The following STXBP5 variants were observed in gnomAD, a reference collection of about 807,000 sequenced individuals.
The protein encoded by STXBP5 is syntaxin binding protein 5.
Under a neutral mutation model 152.4 loss-of-function variants are expected in STXBP5, and 50 were observed. That is an observed-to-expected ratio of 0.33 (90% CI 0.26 to 0.42). STXBP5 has a LOEUF of 0.42. STXBP5 is among the 10% of genes least tolerant of loss of function. The pLI is 1.00. For missense variants in STXBP5, 1,167 were observed against 1,388.6 expected (o/e 0.84, Z 2.54); for synonymous variants, 492 against 494.7 (o/e 0.99, Z 0.07).
intron 9 of STXBP5, among the ~76,000 whole-genome samples, chr6:147,301,039 C>T (rs182660840): frequency 6.6e-6 from 1 of 151,450 alleles, no homozygotes; most frequent in East Asian, 1.9e-4. Context: ...ACCAATCAGG[C>T]ATATGAAGAA....
At chr6:147,337,386 T>G (rs1366723552) in intron 19 of STXBP5, among the ~76,000 whole-genome samples, 1 of 151,982 alleles carries the variant, frequency 6.6e-6, no homozygotes, top group Non-Finnish European at 1.5e-5. Context: ...TTGTAGAAAT[T>G]TAGTAAATAT....
At chr6:147,302,080 A>G (rs1347122440) in intron 9 of STXBP5, among the ~76,000 whole-genome samples, 2 of 152,196 alleles carry the variant, frequency 1.3e-5, no homozygotes, top group Non-Finnish European at 2.9e-5. Flanking sequence ...TTGAAGTGCT[A>G]AAATCCTTGC....
At chr6:147,219,376 G>GT (rs1477324887) in intron 2 of STXBP5, among the ~76,000 whole-genome samples, 3 of 152,150 alleles carry the variant, frequency 2.0e-5, no homozygotes, top group African/African-American at 7.2e-5. Context: ...ATTGATCTTA[G>GT]TTTTCTTTTC....
intron 2 of STXBP5, among the ~76,000 whole-genome samples, chr6:147,217,313 A>G (rs1777221016): frequency 6.6e-6 from 1 of 152,248 alleles, no homozygotes; most frequent in Non-Finnish European, 1.5e-5. Flanking sequence ...TTCACTTAAC[A>G]TACTTGAGAA....
intron 5 of STXBP5, among the ~76,000 whole-genome samples, 174 bp downstream of exon 5, chr6:147,260,923 A>G (rs1779612223): frequency 6.6e-6 from 1 of 152,138 alleles, no homozygotes; most frequent in Non-Finnish European, 1.5e-5. Flanking sequence ...GGCAATTTGT[A>G]AATTTAAATT....
At chr6:147,313,783 T>C (rs1176277812) in intron 11 of STXBP5, 101 bp from the exon 12 acceptor site, 4 of 736,240 alleles carry the variant, frequency 5.4e-6, no homozygotes, top group Admixed American at 3.4e-5. Context: ...CAATTTAATC[T>C]CTATGATAGA....
At chr6:147,318,828 A>G (rs1025004412) in intron 16 of STXBP5, among the ~76,000 whole-genome samples, 1 of 152,218 alleles carries the variant, frequency 6.6e-6, no homozygotes, top group African/African-American at 2.4e-5. Context: ...AAAATAACTA[A>G]TGACTGTGAT....
chr6:147,329,730 A>G (rs960174219), intron 18 of STXBP5, among the ~76,000 whole-genome samples: 2 of 137,608 alleles, frequency 1.5e-5, no homozygotes, highest in Non-Finnish European at 3.0e-5. Flanking sequence ...GGTTCACGCC[A>G]TTCTCCTGCC....
chr6:147,254,276 T>G (rs1315463110), intron 4 of STXBP5, among the ~76,000 whole-genome samples: 1 of 152,178 alleles, frequency 6.6e-6, no homozygotes, highest in East Asian at 1.9e-4. Flanking sequence ...TCCTTACACC[T>G]TGTACAGAAA....
intron 25 of STXBP5, among the ~76,000 whole-genome samples, chr6:147,368,116 T>C (rs941967656): frequency 6.6e-6 from 1 of 152,126 alleles, no homozygotes; most frequent in Non-Finnish European, 1.5e-5. Flanking sequence ...CACAAACTTT[T>C]CCAAAAACTG....
intron 8 of STXBP5, among the ~76,000 whole-genome samples, chr6:147,289,218 T>G (rs1781151400): frequency 6.6e-6 from 1 of 152,216 alleles, no homozygotes; most frequent in African/African-American, 2.4e-5. Context: ...CTGACATTTC[T>G]AGAGCCCTCT....
chr6:147,213,477 T>TGTGTGTGTGTGTGTGTGTGTGTGC, intron 2 of STXBP5, among the ~76,000 whole-genome samples: 13 of 131,316 alleles, frequency 9.9e-5, no homozygotes, highest in African/African-American at 4.1e-4. Context: ...TGTGTGTGTG[T>TGTGTGTGTGTGTGTGTGTGTGTGC]GCGCGCGCAT....
At chr6:147,305,551 T>C (rs1037282979) in intron 9 of STXBP5, among the ~76,000 whole-genome samples, 1 of 152,200 alleles carries the variant, frequency 6.6e-6, no homozygotes. Flanking sequence ...AATTGACATA[T>C]AATCTGCAAA....
intron 4 of STXBP5, among the ~76,000 whole-genome samples, chr6:147,240,056 C>T (rs1033301234): frequency 1.3e-5 from 2 of 151,956 alleles, no homozygotes; most frequent in African/African-American, 4.8e-5. Context: ...GATTCTCATG[C>T]CTCAGCCTCC....
intron 2 of STXBP5, among the ~76,000 whole-genome samples, chr6:147,208,968 A>T (rs1256141944): frequency 6.6e-6 from 1 of 152,148 alleles, no homozygotes; most frequent in African/African-American, 2.4e-5. Flanking sequence ...GCTGAATGCT[A>T]AACCTTCTTG....
intron 21 of STXBP5, among the ~76,000 whole-genome samples, chr6:147,339,703 G>C (rs776236084): frequency 6.6e-6 from 1 of 151,772 alleles, no homozygotes; most frequent in African/African-American, 2.4e-5. Flanking sequence ...TTGAAGCAAT[G>C]GTTTCTTTAT....
intron 9 of STXBP5, among the ~76,000 whole-genome samples, chr6:147,297,102 G>A (rs997792212): frequency 3.9e-5 from 6 of 152,122 alleles, no homozygotes; most frequent in Admixed American, 2.6e-4. Context: ...TGTATATTCA[G>A]ATCCAGGAAG....
At chr6:147,277,314 A>T (rs1440531696) in intron 7 of STXBP5, among the ~76,000 whole-genome samples, 1 of 152,092 alleles carries the variant, frequency 6.6e-6, no homozygotes, top group Admixed American at 6.5e-5. Context: ...CTTGCATTCC[A>T]GTAGGGTGGC....
At chr6:147,309,874 A>G (rs1298576487) in intron 9 of STXBP5, among the ~76,000 whole-genome samples, 2 of 152,124 alleles carry the variant, frequency 1.3e-5, no homozygotes, top group East Asian at 1.9e-4. Context: ...AATTTAGTCA[A>G]TGTTTATTTT....
Sources: allele counts gnomAD v4.1 joint callset (sites outside exome capture counted in the v4.1 genomes callset), GRCh38; gene constraint gnomAD v4.1.1; transcripts MANE v1.5; gene names NCBI Gene and HGNC (gene_info 2026-07-23, HGNC 2026-07-21).